Variants in SPECC1 observed in about 807,000 individuals in gnomAD.
SPECC1 encodes sperm antigen with calponin homology and coiled-coil domains 1.
In SPECC1, 62 loss-of-function variants were observed where a neutral mutation model predicts 104.1. That is an observed-to-expected ratio of 0.60 (90% CI 0.49 to 0.74). The LOEUF is 0.74. SPECC1 is among the 30% of genes least tolerant of loss of function. SPECC1 has a pLI of 0.00. For synonymous variants in SPECC1, 513 were observed against 501.6 expected (o/e 1.02, Z -0.30); for missense variants, 1,306 against 1,310.5 (o/e 1.00, Z 0.05).
intron 1 of SPECC1, among the ~76,000 whole-genome samples, chr17:20,064,249 T>C (rs2046287710): frequency 6.6e-6 from 1 of 152,154 alleles, no homozygotes; most frequent in Admixed American, 6.5e-5. Flanking sequence ...AGAAGGGCAT[T>C]GCACATCCAG....
At chr17:20,202,744 G>C (rs2036516774) in intron 3 of SPECC1, among the ~76,000 whole-genome samples, 1 of 152,082 alleles carries the variant, frequency 6.6e-6, no homozygotes, top group Admixed American at 6.5e-5. Flanking sequence ...TTAAGTTTCT[G>C]GGGAGCCAAA....
intron 3 of SPECC1, chr17:20,156,096 G>C: frequency 7.4e-7 from 1 of 1,352,074 alleles, no homozygotes. Context: ...GAGCGGACCC[G>C]CCGGACGCAA....
intron 1 of SPECC1, among the ~76,000 whole-genome samples, chr17:20,074,375 A>G (rs2046675508): frequency 6.6e-6 from 1 of 152,150 alleles, no homozygotes; most frequent in Non-Finnish European, 1.5e-5. Flanking sequence ...CTGGGAAGTT[A>G]TTTATTATAT....
At chr17:20,093,105 G>T (rs2047477042) in intron 1 of SPECC1, among the ~76,000 whole-genome samples, 1 of 152,342 alleles carries the variant, frequency 6.6e-6, no homozygotes, top group Admixed American at 6.5e-5. Flanking sequence ...TCAGGCTGCT[G>T]TAAGAGAAAT....
intron 1 of SPECC1, among the ~76,000 whole-genome samples, chr17:20,093,734 T>G (rs1490986892): frequency 1.1e-4 from 4 of 36,484 alleles, no homozygotes; most frequent in South Asian, 5.5e-4. Context: ...TTGTTTTTTG[T>G]TTTTTTTTTT....
intron 1 of SPECC1, 137 bp from the exon 2 acceptor site, chr17:20,096,494 C>A: frequency 9.7e-7 from 1 of 1,029,390 alleles, no homozygotes. Flanking sequence ...TAGGAATATT[C>A]TATTTCCAGC....
At chr17:20,083,025 G>C (rs953939820) in intron 1 of SPECC1, among the ~76,000 whole-genome samples, 1 of 151,568 alleles carries the variant, frequency 6.6e-6, no homozygotes, top group African/African-American at 2.4e-5. Flanking sequence ...TCTAAAAATA[G>C]TACTAAGAGA....
chr17:20,276,794 A>T lies in SPECC1; in HGVS notation c.2940+16500A>T, dbSNP rs144859458. ...ATCAAACACATTTTAAAAAATGCAG[A>T]GCTACAGAGCCGGCTGCATTAGTGA... On this transcript the variant is annotated intron_variant, in intron 12 of 14. Coordinates refer to ENST00000395527, the MANE Select transcript of SPECC1 (RefSeq NM_001243439.2). Among the ~76,000 whole-genome samples the T allele has an allele frequency of 1.1e-4, 16 of 152,354 alleles. No individual in the cohort carries two copies. The East Asian group carries it at 3.1e-3, about 29-fold the overall frequency.
At chr17:20,251,934 C>T (rs2151563716) in intron 9 of SPECC1, among the ~76,000 whole-genome samples, 1 of 152,268 alleles carries the variant, frequency 6.6e-6, no homozygotes, top group East Asian at 1.9e-4. Flanking sequence ...GTCCCCAGAG[C>T]CACTTACTTG....
intron 3 of SPECC1, among the ~76,000 whole-genome samples, chr17:20,200,013 G>C (rs961266969): frequency 6.6e-6 from 1 of 152,100 alleles, no homozygotes; most frequent in African/African-American, 2.4e-5. Context: ...GGATGGTCTC[G>C]ATCTCCTGAC....
At chr17:20,237,018 T>G (rs1318690509) in intron 7 of SPECC1, 1 of 1,548,812 alleles carries the variant, frequency 6.5e-7, no homozygotes, top group Non-Finnish European at 8.7e-7. Context: ...TGTGACATTC[T>G]CTGTTTCTCA....
intron 3 of SPECC1, among the ~76,000 whole-genome samples, chr17:20,116,163 C>T (rs1365643346): frequency 2.6e-5 from 4 of 152,092 alleles, no homozygotes; most frequent in Admixed American, 6.6e-5. Flanking sequence ...TCTTGGCTCA[C>T]GGCAAGCTCC....
chr17:20,142,523 A>G (rs565247664), intron 3 of SPECC1, among the ~76,000 whole-genome samples: 2 of 152,356 alleles, frequency 1.3e-5, no homozygotes, highest in African/African-American at 4.8e-5. Flanking sequence ...GTGCTACAGC[A>G]TGTGCTACCT....
intron 3 of SPECC1, among the ~76,000 whole-genome samples, chr17:20,127,588 G>A (rs28678306): frequency 1.1e-3 from 160 of 152,240 alleles, no homozygotes; most frequent in African/African-American, 3.8e-3. Flanking sequence ...GATTATAGGC[G>A]TAAGCCACAG....
At chr17:20,239,876 G>A (rs2039112568) in intron 7 of SPECC1, among the ~76,000 whole-genome samples, 1 of 100,972 alleles carries the variant, frequency 9.9e-6, no homozygotes, top group Non-Finnish European at 1.9e-5. Context: ...GCATTTCGCT[G>A]AGTTTTTTTT....
intron 1 of SPECC1, among the ~76,000 whole-genome samples, chr17:20,091,035 T>C (rs887110503): frequency 1.3e-5 from 2 of 152,228 alleles, no homozygotes; most frequent in Non-Finnish European, 2.9e-5. Flanking sequence ...TTTGAGGTGG[T>C]GTGGTTAGCG....
At position 20,162,815 on chromosome 17, in the gene SPECC1, G is replaced by A. The variant is rs144389845; in HGVS notation, c.284-41518G>A. On this transcript the variant is annotated intron_variant, in intron 3 of 14. Transcript: ENST00000395527. ...GGCCAAGGTGGGCGGATCACCCGAA[G>A]TTGGGAGTTCGAGACCAGCCTGACC... is the stretch of plus-strand genomic sequence containing the variant. Among the ~76,000 whole-genome samples the A allele has an allele frequency of 6.8e-3, 1,036 of 152,328 alleles. 50 individuals carry two copies. Among genetic ancestry groups the A allele is most frequent in the Admixed American group, 0.06 (914 of 15,306 alleles).
chr17:20,195,719 G>T (rs1007293711), intron 3 of SPECC1, among the ~76,000 whole-genome samples: 1 of 151,778 alleles, frequency 6.6e-6, no homozygotes, highest in African/African-American at 2.4e-5. Flanking sequence ...CACCACACCC[G>T]GCTAATTTTT....
intron 3 of SPECC1, among the ~76,000 whole-genome samples, chr17:20,123,215 C>T (rs1360571476): frequency 6.6e-6 from 1 of 152,132 alleles, no homozygotes; most frequent in East Asian, 1.9e-4. Context: ...ATGGAAGTGC[C>T]CATTTAGATG....
Sources: allele counts gnomAD v4.1 joint callset (sites outside exome capture counted in the v4.1 genomes callset), GRCh38; gene constraint gnomAD v4.1.1; transcripts MANE v1.5; gene names NCBI Gene and HGNC (gene_info 2026-07-23, HGNC 2026-07-21).